The following SLC16A9 variants were observed in gnomAD, a reference collection of about 807,000 sequenced individuals.
SLC16A9 encodes monocarboxylate transporter 9.
In SLC16A9, 26 loss-of-function variants were observed where a neutral mutation model predicts 44.3. The ratio of observed to expected loss-of-function variants is 0.59; its 90% confidence interval spans 0.43 to 0.81. The LOEUF is 0.81. Ranked by LOEUF, SLC16A9 falls within the 40% of genes least tolerant of loss-of-function variation. The pLI, the probability that SLC16A9 is intolerant of heterozygous loss-of-function variation, is 0.00. For synonymous variants in SLC16A9, 230 were observed against 225.1 expected, an observed-to-expected ratio of 1.02 and a Z score of -0.19; for missense variants, 559 against 595.8, an observed-to-expected ratio of 0.94 and a Z score of 0.64.
intron 4 of SLC16A9, among the ~76,000 whole-genome samples, chr10:59,657,002 G>A (rs370292983): frequency 2.0e-5 from 3 of 152,078 alleles, no homozygotes; most frequent in Non-Finnish European, 2.9e-5. Context: ...ATAACTTCCC[G>A]AAAGGATCAG....
At chr10:59,654,826 T>C (rs1207072709) in intron 4 of SLC16A9, among the ~76,000 whole-genome samples, 1 of 152,204 alleles carries the variant, frequency 6.6e-6, no homozygotes, top group Non-Finnish European at 1.5e-5. Flanking sequence ...TGCACGATCA[T>C]GTTTAATGCT....
intron 1 of SLC16A9, among the ~76,000 whole-genome samples, chr10:59,687,581 T>A (rs1214515567): frequency 6.6e-6 from 1 of 152,220 alleles, no homozygotes; most frequent in Non-Finnish European, 1.5e-5. Flanking sequence ...TTAGTCTATT[T>A]TGGCGGAGGA....
chr10:59,665,799 G>A (rs1170694866), intron 3 of SLC16A9, among the ~76,000 whole-genome samples: 1 of 152,036 alleles, frequency 6.6e-6, no homozygotes, highest in African/African-American at 2.4e-5. Context: ...CAAAGGTTAA[G>A]CATTCAAGAC....
chr10:59,704,979 C>CA (rs1840606752), intron 1 of SLC16A9, among the ~76,000 whole-genome samples: 1 of 151,936 alleles, frequency 6.6e-6, no homozygotes, highest in African/African-American at 2.4e-5. Context: ...TGCTGAAATG[C>CA]AAAAAGATCT....
At chr10:59,653,001 T>A in intron 5 of SLC16A9, 51 bp from the exon 6 acceptor site, 1 of 1,411,866 alleles carries the variant, frequency 7.1e-7, no homozygotes, top group Non-Finnish European at 9.8e-7. Flanking sequence ...AGTATGAACA[T>A]CCATCCCATA....
intron 1 of SLC16A9, among the ~76,000 whole-genome samples, chr10:59,703,283 G>A (rs539276846): frequency 3.3e-5 from 5 of 152,262 alleles, no homozygotes; most frequent in East Asian, 3.9e-4. Flanking sequence ...CACTATGACC[G>A]CTAATTTTTC....
At chr10:59,653,619 G>A in intron 5 of SLC16A9, 56 bp downstream of exon 5, 1 of 1,443,898 alleles carries the variant, frequency 6.9e-7, no homozygotes, top group Non-Finnish European at 9.5e-7. Context: ...CTCTATATCT[G>A]GAGATATGAC....
intron 1 of SLC16A9, 77 bp from the exon 2 acceptor site, chr10:59,684,404 T>G: frequency 1.6e-6 from 1 of 619,742 alleles, no homozygotes; most frequent in Non-Finnish European, 2.5e-6. Context: ...AAATATCTCC[T>G]CCTAAAGTGA....
intron 1 of SLC16A9, among the ~76,000 whole-genome samples, chr10:59,695,594 C>A (rs2132525783): frequency 6.6e-6 from 1 of 151,152 alleles, no homozygotes; most frequent in Middle Eastern, 3.4e-3. Context: ...CATCCACTCT[C>A]CCCACCTATA....
chr10:59,664,125 G>A, intron 4 of SLC16A9, 102 bp downstream of exon 4: 3 of 549,820 alleles, frequency 5.5e-6, no homozygotes, highest in Admixed American at 7.7e-5. Flanking sequence ...TACCTGATTG[G>A]TAGCTGGGTA....
At chr10:59,682,082 C>G (rs1294355712) in intron 2 of SLC16A9, among the ~76,000 whole-genome samples, 1 of 152,040 alleles carries the variant, frequency 6.6e-6, no homozygotes, top group Non-Finnish European at 1.5e-5. Context: ...TCACTCAGCT[C>G]AATGGTGGTA....
chr10:59,653,882 T>G lies in SLC16A9; in HGVS notation c.1144A>C (p.Met382Leu). The G allele has an allele frequency of 6.2e-7, 1 of 1,614,168 alleles. No individual in the cohort carries two copies. The highest frequency in any genetic ancestry group is 8.5e-7 in the Non-Finnish European group (1 of 1,180,020). Reference protein sequence around the residue: ...LYLYVATLIIMGLALCAIPFA... With the variant: ...LYLYVATLIILGLALCAIPFA... ...GGAATTGCACACAAGGCTAGGCCCA[T>G]GATGATTAAGGTAGCAACATAAAGA... Residue 382 changes from methionine to leucine, a missense_variant, in exon 5 of 6, where the codon ATG (methionine) becomes CTG (leucine). Coordinates refer to ENST00000395348, the MANE Select transcript of SLC16A9 (RefSeq NM_194298.3).
rs11006653 is a variant in SLC16A9 at position 59,652,623 on chromosome 10, A to G, written c.*149T>C. The G allele has an allele frequency of 9.4e-3, 6,356 of 676,644 alleles. 271 individuals carry two copies. The African/African-American group carries it at 0.1, about 11-fold the overall frequency. The allele number at this position is 676,644 out of a possible 1,614,324, so 41.9% of individuals were successfully genotyped here. Reference sequence around the variant, plus strand: ...ATACACTACATAAAAAATAGGATATATAAAAAAAAATAATTCATTCAGAGT... The same window carrying G: ...ATACACTACATAAAAAATAGGATATGTAAAAAAAAATAATTCATTCAGAGT... On this transcript the variant is annotated 3_prime_UTR_variant, in exon 6 of 6. Coordinates refer to ENST00000395348, the MANE Select transcript of SLC16A9 (RefSeq NM_194298.3).
intron 1 of SLC16A9, among the ~76,000 whole-genome samples, chr10:59,708,406 T>C (rs1293676817): frequency 6.6e-6 from 1 of 152,216 alleles, no homozygotes; most frequent in Non-Finnish European, 1.5e-5. Flanking sequence ...TTCTCGAAGC[T>C]GAAGCCAACT....
intron 1 of SLC16A9, among the ~76,000 whole-genome samples, chr10:59,694,764 C>T (rs1208151618): frequency 3.1e-5 from 4 of 129,840 alleles, no homozygotes; most frequent in Admixed American, 8.4e-5. Context: ...CGTGCTACTG[C>T]GCTCCAACCT....
intron 2 of SLC16A9, among the ~76,000 whole-genome samples, chr10:59,679,913 A>T (rs1484187376): frequency 6.6e-6 from 1 of 152,158 alleles, no homozygotes; most frequent in Non-Finnish European, 1.5e-5. Context: ...AGCTTCCTCA[A>T]AGGCTATCCC....
intron 2 of SLC16A9, among the ~76,000 whole-genome samples, chr10:59,675,715 C>T (rs967494606): frequency 9.9e-5 from 15 of 152,194 alleles, no homozygotes; most frequent in Non-Finnish European, 1.8e-4. Context: ...CCTCAGTAAA[C>T]ACACTATGCA....
rs1839301019 is a variant in SLC16A9, at chr10:59,654,454, A to T, written c.572T>A (p.Leu191His). Residue 191 changes from leucine (L) to histidine (H), a missense_variant, in exon 5 of 6, where the codon CTC (leucine) becomes CAC (histidine). Transcript: ENST00000395348. ...AGGCAAAGGACAATCAGAAGATTGG[A>T]GGGGTCTCATCAGACTGCCACAGGC... ...ILACGSLMRP[L>H]QSSDCPLPKK... The T allele has an allele frequency of 5.0e-6, 8 of 1,613,278 alleles. No individual in the cohort carries two copies. The South Asian group carries it at 8.8e-5, about 18-fold the overall frequency.
intron 3 of SLC16A9, among the ~76,000 whole-genome samples, chr10:59,664,661 C>T (rs555052337): frequency 6.6e-6 from 1 of 152,222 alleles, no homozygotes; most frequent in South Asian, 2.1e-4. Context: ...TCAAGTTTGC[C>T]CCTTAGAGAT....
Sources: allele counts gnomAD v4.1 joint callset (sites outside exome capture counted in the v4.1 genomes callset), GRCh38; gene constraint gnomAD v4.1.1; transcripts MANE v1.5; gene names NCBI Gene and HGNC (gene_info 2026-07-23, HGNC 2026-07-21).